Variants in ABCF1 observed in about 807,000 individuals in gnomAD.
ABCF1 encodes the protein ATP-binding cassette sub-family F member 1.
ABCF1 carries 73 observed loss-of-function variants against 126.3 expected under a neutral mutation model. That is an observed-to-expected ratio of 0.58 (90% CI 0.48 to 0.70). ABCF1 has a LOEUF of 0.70. ABCF1 is among the 30% of genes least tolerant of loss of function. The probability of loss-of-function intolerance (pLI) is 0.00; values close to 1 mark genes in which losing one functional copy is unlikely to be tolerated. For missense variants in ABCF1, 786 were observed against 1,057.5 expected, an observed-to-expected ratio of 0.74 and a Z score of 3.56; for synonymous variants, 345 against 396.4, an observed-to-expected ratio of 0.87 and a Z score of 1.54.
At position 30,578,341 on chromosome 6, in the gene ABCF1, A is replaced by G. The variant is rs778873586; in HGVS notation, c.344-7A>G. Reference sequence around the variant, plus strand: ...TCCTATCTCATGTTCTCCCCCTGTCATTTCAGTACCCGCCCCAAAACCCCG... The same window carrying G: ...TCCTATCTCATGTTCTCCCCCTGTCGTTTCAGTACCCGCCCCAAAACCCCG... On this transcript the variant is annotated splice_region_variant and splice_polypyrimidine_tract_variant and intron_variant, in intron 4 of 24. Transcript: ENST00000326195. 4 of 1,613,976 alleles carry G rather than the reference A, an allele frequency of 2.5e-6. No homozygotes were observed. The highest frequency in any genetic ancestry group is 3.4e-6 in the Non-Finnish European group (4 of 1,180,012).
At chr6:30,577,158 T>C (rs1185034742) in intron 1 of ABCF1, among the ~76,000 whole-genome samples, 1 of 152,222 alleles carries the variant, frequency 6.6e-6, no homozygotes, top group Non-Finnish European at 1.5e-5. Flanking sequence ...TCTTGTTCAT[T>C]GCTATGATCC....
At chr6:30,585,810 C>T (rs903152985) in intron 16 of ABCF1, 69 bp from the exon 17 acceptor site, 8 of 1,556,704 alleles carry the variant, frequency 5.1e-6, no homozygotes, top group Middle Eastern at 3.4e-4. Flanking sequence ...CCATCACCAC[C>T]AGTCCCTGGT....
rs867892542 is a variant in ABCF1, at chr6:30,585,674, G to A, written c.1592G>A (p.Gly531Asp). Residue 531 changes from glycine (G) to aspartate (D), a missense_variant, in exon 16 of 25, where the codon GGC (glycine) becomes GAC (aspartate). This residue lies in a region of ABCF1 where 288 missense variants were observed against 423.5 expected (regional missense o/e 0.68). Coordinates refer to ENST00000326195, the MANE Select transcript of ABCF1 (RefSeq NM_001025091.2). ...GCCCAGCGGCTCCACTACTATAGGG[G>A]CAATTACAGTAAGTAGGATTGTGTG... is the stretch of plus-strand genomic sequence containing the variant. ...LDAQRLHYYR[G>D]NYMTFKKMYQ... is the part of the protein sequence containing the mutation. 6.2e-7 allele frequency: 1 copy of A among 1,612,908 alleles called. No homozygotes were observed. Among genetic ancestry groups the A allele is most frequent in the Non-Finnish European group, 8.5e-7 (1 of 1,180,010 alleles).
intron 6 of ABCF1, among the ~76,000 whole-genome samples, chr6:30,579,199 G>T (rs899948224): frequency 5.3e-5 from 8 of 152,054 alleles, no homozygotes; most frequent in African/African-American, 1.9e-4. Context: ...CACTCTGGTG[G>T]CGCACTTGCC....
rs763093844 is a variant in ABCF1 at position 30,583,643 on chromosome 6, G to A, written c.951G>A (p.Glu317=). Residue 317 remains glutamate (E), a synonymous_variant, in exon 11 of 25, where the codon GAG becomes GAA. Transcript: ENST00000326195. The surrounding 1 kb of genome is among the most constrained non-coding windows in gnomAD (Gnocchi z 4.1). ...TCAGCATCTCCGCTCATGGCAAGGA[G>A]CTGTTCGTCAATGCAGACCTGTACA... ...EKFSISAHGK[E]LFVNADLYIV... The A allele has an allele frequency of 5.0e-6, 8 of 1,614,042 alleles. No homozygotes were observed. Among genetic ancestry groups the A allele is most frequent in the Non-Finnish European group, 6.8e-6 (8 of 1,179,918 alleles).
chr6:30,590,509 T>G, intron 24 of ABCF1, 26 bp from the exon 25 acceptor site: 1 of 1,600,776 alleles, frequency 6.2e-7, no homozygotes. Flanking sequence ...CTTCCTGCCC[T>G]CTGTTGTTGC....
chr6:30,590,099 T>C, intron 22 of ABCF1, 50 bp from the exon 23 acceptor site: 1 of 1,612,128 alleles, frequency 6.2e-7, no homozygotes, highest in Non-Finnish European at 8.5e-7. Flanking sequence ...GGGTTTGCCT[T>C]CAGAATGTGA....
chr6:30,571,477 C>G lies in ABCF1; in HGVS notation c.-11C>G, dbSNP rs769175168. ...CCGGGCGCCGCCACAGTAGCTGTAA[C>G]TGCCACCGCGATGCCGAAGGCGCCC... On this transcript the variant is annotated 5_prime_UTR_variant, in exon 1 of 25. Transcript: ENST00000326195. The G allele has an allele frequency of 9.9e-6, 16 of 1,608,538 alleles. No individual in the cohort carries two copies. Among genetic ancestry groups the G allele is most frequent in the Non-Finnish European group, 1.2e-5 (14 of 1,178,362 alleles).
chr6:30,581,834 A>G (rs1247114647), intron 8 of ABCF1, among the ~76,000 whole-genome samples: 2 of 152,136 alleles, frequency 1.3e-5, no homozygotes, highest in South Asian at 4.1e-4. Context: ...TAGGGACATA[A>G]CGCGTTGTCA....
intron 1 of ABCF1, among the ~76,000 whole-genome samples, chr6:30,572,136 T>C (rs1801283836): frequency 6.6e-6 from 1 of 152,108 alleles, no homozygotes; most frequent in South Asian, 2.1e-4. Context: ...CTCTATATAC[T>C]GTGCTTTGAG....
chr6:30,577,112 C>G (rs1371763696), intron 1 of ABCF1, among the ~76,000 whole-genome samples: 1 of 152,216 alleles, frequency 6.6e-6, no homozygotes, highest in Non-Finnish European at 1.5e-5. Context: ...AATCTCTCTT[C>G]CTATAGCCTG....
Position 30,577,454 on chromosome 6 carries a change from C to A in ABCF1, c.119C>A (p.Thr40Lys), listed in dbSNP as rs144819203. ...KGKKDKKIKK[T>K]FFEELAVEDK... ...AAGAAGGACAAGAAGATCAAAAAAA[C>A]GGTGAGAAAATGAGGGTTGAGGATA... is the stretch of plus-strand genomic sequence containing the variant. Residue 40 changes from threonine (T) to lysine (K), a missense_variant and splice_region_variant, in exon 2 of 25, where the codon ACG (threonine) becomes AAG (lysine). Around this residue, in one of 4 missense-constraint regions of ABCF1, gnomAD observed 322 missense variants for 322.9 expected, o/e 1.00. Coordinates refer to ENST00000326195, the MANE Select transcript of ABCF1 (RefSeq NM_001025091.2). The A allele has an allele frequency of 2.5e-6, 4 of 1,613,224 alleles. No homozygotes were observed. The African/African-American group carries it at 5.3e-5, about 22-fold the overall frequency.
chr6:30,583,781 G>A lies in ABCF1; in HGVS notation c.1017-24G>A, dbSNP rs376180338. 54 of 1,613,962 alleles carry A rather than the reference G, an allele frequency of 3.3e-5. No individual in the cohort carries two copies. In the African/African-American group the frequency reaches 7.2e-4, roughly 22 times the overall value. On this transcript the variant is annotated intron_variant, in intron 11 of 24. Transcript: ENST00000326195. The surrounding 1 kb of genome is among the most constrained non-coding windows in gnomAD (Gnocchi z 4.1). The stretch of plus-strand genomic sequence containing the variant: ...GAAGAGATTTCTCAGTGGTGGCCAG[G>A]TCCTAATAGCTTTTATTCCCCAGCA...
rs546794588 is a variant in ABCF1 at position 30,589,681 on chromosome 6, C to T, written c.2032-7C>T. ...CCTCCTCTTAACTACTTTGTCTTCC[C>T]TTGCAGACCCATGGGGAAATGAGAA... On this transcript the variant is annotated splice_region_variant and splice_polypyrimidine_tract_variant and intron_variant, in intron 20 of 24. Transcript: ENST00000326195. 3 of 1,613,990 alleles carry T rather than the reference C, an allele frequency of 1.9e-6. No individual in the cohort carries two copies. Among genetic ancestry groups the T allele is most frequent in the East Asian group, 4.5e-5 (2 of 44,886 alleles).
Position 30,586,403 on chromosome 6 carries a change from A to G in ABCF1, c.1886-71A>G, listed in dbSNP as rs17195467. 12,006 of 1,608,396 alleles carry G rather than the reference A, an allele frequency of 7.5e-3. 986 individuals are homozygous for G. In the Admixed American group the frequency reaches 0.16, roughly 21 times the overall value. ...AAGGCTGAGATTGCTCCTGTTCTCC[A>G]AGGCCAGCACATGAGAGGGACTTTG... On this transcript the variant is annotated intron_variant, in intron 18 of 24. Coordinates refer to ENST00000326195, the MANE Select transcript of ABCF1 (RefSeq NM_001025091.2). This position sits in a 1 kb window ranked among gnomAD's most constrained non-coding sequence, Gnocchi z 4.9.
Position 30,582,494 on chromosome 6 carries a change from A to G in ABCF1, c.779A>G (p.Lys260Arg). The G allele has an allele frequency of 6.2e-7, 1 of 1,613,050 alleles. No homozygotes were observed. The highest frequency in any genetic ancestry group is 8.5e-7 in the Non-Finnish European group (1 of 1,180,028). The stretch of plus-strand genomic sequence containing the variant: ...CATCTTAGCAAAAAGGAGAAGAAAA[A>G]GCTGAAAAAACAGGTAAGACCTTGG... ...YAHLSKKEKK[K>R]LKKQMEYERQ... The change falls in exon 9 of 25, where the codon AAG becomes AGG. Residue 260 changes from lysine to arginine, a missense_variant. Physicochemically the swap from Lys to Arg is conservative, Grantham distance 26 (BLOSUM62 2). This residue lies in a region of ABCF1 where 322 missense variants were observed against 322.9 expected (regional missense o/e 1.00). Coordinates refer to ENST00000326195, the MANE Select transcript of ABCF1 (RefSeq NM_001025091.2).
intron 15 of ABCF1, 98 bp from the exon 16 acceptor site, chr6:30,585,460 C>G (rs1250225840): frequency 1.9e-6 from 3 of 1,578,446 alleles, no homozygotes; most frequent in Admixed American, 3.3e-5. Flanking sequence ...TCTATTCAGA[C>G]CCCCCTTTCC....
chr6:30,577,201 C>T (rs1226018327), intron 1 of ABCF1, among the ~76,000 whole-genome samples: 1 of 152,170 alleles, frequency 6.6e-6, no homozygotes, highest in East Asian at 1.9e-4. Flanking sequence ...CACATGGTAG[C>T]TGTTTAGTAG....
chr6:30,571,471 C>T lies in ABCF1; in HGVS notation c.-17C>T, dbSNP rs1171328181. 1.9e-6 allele frequency: 3 copies of T among 1,606,822 alleles called. No individual in the cohort carries two copies. Among genetic ancestry groups the T allele is most frequent in the East Asian group, 4.5e-5 (2 of 44,658 alleles). ...ATAGCACCGGGCGCCGCCACAGTAG[C>T]TGTAACTGCCACCGCGATGCCGAAG... On this transcript the variant is annotated 5_prime_UTR_variant, in exon 1 of 25. Transcript: ENST00000326195.
Sources: allele counts gnomAD v4.1 joint callset (sites outside exome capture counted in the v4.1 genomes callset), GRCh38; gene constraint gnomAD v4.1.1; regional missense constraint gnomAD v4.1.1; non-coding constraint Gnocchi (gnomAD v3.1); transcripts MANE v1.5; gene names NCBI Gene and HGNC (gene_info 2026-07-23, HGNC 2026-07-21).